The following SH3RF3 variants were observed in gnomAD, a reference collection of about 807,000 sequenced individuals.
The protein encoded by SH3RF3 is SH3 domain containing ring finger 3.
In SH3RF3, 29 loss-of-function variants were observed where a neutral mutation model predicts 66.3. The ratio of observed to expected loss-of-function variants is 0.44; its 90% CI spans 0.33 to 0.60. The LOEUF (loss-of-function observed/expected upper bound fraction) is 0.60. SH3RF3 is among the 20% of genes least tolerant of loss of function. The pLI is 0.04. For synonymous variants in SH3RF3, 583 were observed against 532.0 expected (o/e 1.10, Z -1.32); for missense variants, 1,194 against 1,190.9 (o/e 1.00, Z -0.04).
chr2:109,362,751 T>G (rs549391886), intron 2 of SH3RF3, among the ~76,000 whole-genome samples: 2 of 152,346 alleles, frequency 1.3e-5, no homozygotes, highest in East Asian at 1.9e-4. Context: ...TTGACACTGT[T>G]GTTAGGTGCG....
At chr2:109,341,899 A>G (rs558759842) in intron 1 of SH3RF3, among the ~76,000 whole-genome samples, 78 of 152,326 alleles carry the variant, frequency 5.1e-4, no homozygotes, top group African/African-American at 1.7e-3. Flanking sequence ...GCTTGATCTC[A>G]GTTGAAATTT....
chr2:109,430,336 G>A (rs1677158265), intron 5 of SH3RF3, among the ~76,000 whole-genome samples: 1 of 152,198 alleles, frequency 6.6e-6, no homozygotes, highest in Admixed American at 6.5e-5. Context: ...ACATCAATTT[G>A]TGCGTCATTG....
At chr2:109,261,948 T>C (rs1331776984) in intron 1 of SH3RF3, among the ~76,000 whole-genome samples, 1 of 152,148 alleles carries the variant, frequency 6.6e-6, no homozygotes, top group South Asian at 2.1e-4. Context: ...ACTGGATGTG[T>C]AGCATTCCAC....
At chr2:109,400,112 A>G (rs555437915) in intron 4 of SH3RF3, among the ~76,000 whole-genome samples, 2 of 152,362 alleles carry the variant, frequency 1.3e-5, no homozygotes, top group Admixed American at 1.3e-4. Context: ...AACTCAGACA[A>G]CTTTACACAC....
intron 1 of SH3RF3, among the ~76,000 whole-genome samples, chr2:109,235,355 TA>T (rs1679622610): frequency 6.6e-6 from 1 of 152,160 alleles, no homozygotes; most frequent in African/African-American, 2.4e-5. Flanking sequence ...TAAGGGCCAC[TA>T]AAGAGACCAG....
At chr2:109,431,359 C>T (rs1055632746) in intron 5 of SH3RF3, among the ~76,000 whole-genome samples, 3 of 152,204 alleles carry the variant, frequency 2.0e-5, no homozygotes, top group African/African-American at 4.8e-5. Context: ...ATCTTGTGAG[C>T]AAATAAAATA....
rs1161980113 is a variant in SH3RF3, at chr2:109,437,156, CA to C, written c.1828+11del. On this transcript the variant is annotated intron_variant, in intron 7 of 9. Transcript: ENST00000309415. ...AGCACCATTTCAACAGGTACCTTCA[CA>C]GGGGCCTCACCCTGCAGGGCATCAA... The C allele has an allele frequency of 3.1e-6, 5 of 1,603,564 alleles. No individual in the cohort carries two copies. The highest frequency in any genetic ancestry group is 1.7e-4 in the Middle Eastern group (1 of 6,000).
At chr2:109,367,241 G>A (rs944295844) in intron 2 of SH3RF3, among the ~76,000 whole-genome samples, 1 of 151,578 alleles carries the variant, frequency 6.6e-6, no homozygotes, top group Non-Finnish European at 1.5e-5. Context: ...TGGGATTACA[G>A]GTGTGAGCCA....
At chr2:109,455,527 A>AT (rs1678028015) in intron 8 of SH3RF3, among the ~76,000 whole-genome samples, 1 of 103,568 alleles carries the variant, frequency 9.7e-6, no homozygotes, top group Non-Finnish European at 2.2e-5. Flanking sequence ...TATGTGTGTT[A>AT]CTATGGCATA....
chr2:109,288,155 A>G (rs1681081921), intron 1 of SH3RF3, among the ~76,000 whole-genome samples: 2 of 152,262 alleles, frequency 1.3e-5, no homozygotes, highest in East Asian at 1.9e-4. Flanking sequence ...TTGGTTTCCA[A>G]GAAGAACTCA....
intron 1 of SH3RF3, among the ~76,000 whole-genome samples, chr2:109,328,750 C>T (rs924138562): frequency 6.6e-6 from 1 of 152,196 alleles, no homozygotes; most frequent in Non-Finnish European, 1.5e-5. Context: ...TCCTCTCCCC[C>T]ACATTTGTGT....
intron 1 of SH3RF3, among the ~76,000 whole-genome samples, chr2:109,194,544 G>A (rs370215141): frequency 6.6e-6 from 1 of 152,358 alleles, no homozygotes; most frequent in East Asian, 1.9e-4. Context: ...AGCACTGAAG[G>A]GCGAGGAGCA....
At chr2:109,381,477 G>A (rs535332115) in intron 3 of SH3RF3, among the ~76,000 whole-genome samples, 19 of 152,180 alleles carry the variant, frequency 1.2e-4, no homozygotes, top group South Asian at 4.1e-4. Context: ...CCTACCCTCC[G>A]CAGGGCATCT....
At chr2:109,430,676 C>G (rs555692694) in intron 5 of SH3RF3, among the ~76,000 whole-genome samples, 8 of 152,194 alleles carry the variant, frequency 5.3e-5, no homozygotes, top group African/African-American at 1.9e-4. Context: ...GGTATTTCCT[C>G]TATGGTGATG....
rs145709181 is a variant in SH3RF3, at chr2:109,215,791, G to C, written c.573+85678G>C. ...TGTACATCTAAGGATGGAGGGATGA[G>C]CTGGGATTTGCCCTGTGTTCAGGTT... On this transcript the variant is annotated intron_variant, in intron 1 of 9. Coordinates refer to ENST00000309415, the MANE Select transcript of SH3RF3 (RefSeq NM_001099289.3). Among the ~76,000 whole-genome samples the C allele has an allele frequency of 3.3e-5, 5 of 152,304 alleles. No homozygotes were observed. In the East Asian group the frequency reaches 9.6e-4, roughly 29 times the overall value.
intron 1 of SH3RF3, among the ~76,000 whole-genome samples, chr2:109,217,952 G>C (rs1056261682): frequency 1.3e-5 from 2 of 152,148 alleles, no homozygotes; most frequent in Admixed American, 1.3e-4. Context: ...CCTTTCCCTC[G>C]AGGGCTCTGC....
intron 8 of SH3RF3, among the ~76,000 whole-genome samples, chr2:109,484,581 A>C (rs1573290332): frequency 1.3e-5 from 2 of 152,120 alleles, no homozygotes; most frequent in African/African-American, 4.8e-5. Context: ...CCTATCAGCT[A>C]ATCAACAGCA....
At chr2:109,301,055 T>G (rs1681454760) in intron 1 of SH3RF3, among the ~76,000 whole-genome samples, 1 of 152,162 alleles carries the variant, frequency 6.6e-6, no homozygotes, top group African/African-American at 2.4e-5. Flanking sequence ...AATACAGTTG[T>G]GTATGAAGTG....
intron 2 of SH3RF3, among the ~76,000 whole-genome samples, chr2:109,353,325 A>G (rs1309639144): frequency 6.6e-6 from 1 of 152,166 alleles, no homozygotes; most frequent in Non-Finnish European, 1.5e-5. Context: ...CCACACATTT[A>G]TAGCTCGACC....
Sources: gnomAD v4.1 joint callset for allele counts (sites outside exome capture counted in the v4.1 genomes callset) on GRCh38, gnomAD v4.1.1 for gene constraint, MANE v1.5 for transcripts, NCBI Gene and HGNC (gene_info 2026-07-23, HGNC 2026-07-21) for gene names.